Variants in FZD3 observed in about 807,000 individuals in gnomAD.
FZD3 encodes the protein frizzled-3.
FZD3 carries 30 observed loss-of-function variants against 60.7 expected under a neutral mutation model. That is an observed-to-expected ratio of 0.49 (90% CI 0.37 to 0.67). FZD3 has a LOEUF of 0.67. Ranked by LOEUF, FZD3 falls within the 30% of genes least tolerant of loss-of-function variation. The pLI is 0.00. For synonymous variants in FZD3, 246 were observed against 275.2 expected (o/e 0.89, Z 1.05); for missense variants, 605 against 838.7 (o/e 0.72, Z 3.44).
At chr8:28,509,332 A>G (rs1446825877) in intron 3 of FZD3, among the ~76,000 whole-genome samples, 1 of 151,778 alleles carries the variant, frequency 6.6e-6, no homozygotes, top group Non-Finnish European at 1.5e-5. Flanking sequence ...ACACTTATAT[A>G]AAATATTTAT....
At chr8:28,505,314 C>A (rs954759727) in intron 3 of FZD3, 32 of 154,354 alleles carry the variant, frequency 2.1e-4, no homozygotes, top group African/African-American at 7.7e-4. Context: ...TTCAGCAGGC[C>A]CCAGGCTTTA....
chr8:28,498,045 A>G (rs776204160), intron 1 of FZD3, among the ~76,000 whole-genome samples: 1 of 152,256 alleles, frequency 6.6e-6, no homozygotes, highest in Non-Finnish European at 1.5e-5. Context: ...TACATTCATA[A>G]AAATAGAAAT....
chr8:28,529,978 C>G (rs866791402), intron 5 of FZD3, among the ~76,000 whole-genome samples: 5 of 152,016 alleles, frequency 3.3e-5, no homozygotes, highest in African/African-American at 7.2e-5. Context: ...TAAAAAATAC[C>G]AGACCTCAAA....
chr8:28,539,342 A>G (rs536325988), intron 5 of FZD3, among the ~76,000 whole-genome samples: 15 of 152,322 alleles, frequency 9.8e-5, no homozygotes, highest in African/African-American at 3.6e-4. Flanking sequence ...CCACTGATCT[A>G]TAATACTGCC....
intron 5 of FZD3, among the ~76,000 whole-genome samples, chr8:28,535,417 A>T (rs971334312): frequency 5.9e-5 from 9 of 152,200 alleles, no homozygotes; most frequent in Admixed American, 3.9e-4. Context: ...ACTAAAGTTC[A>T]TACTTTATTC....
intron 3 of FZD3, among the ~76,000 whole-genome samples, chr8:28,516,454 G>T (rs1804427864): frequency 6.6e-6 from 1 of 152,162 alleles, no homozygotes; most frequent in East Asian, 1.9e-4. Context: ...TGGGATTTTT[G>T]AAGGGATTAC....
chr8:28,544,206 C>T (rs1225058176), intron 5 of FZD3, among the ~76,000 whole-genome samples: 2 of 152,092 alleles, frequency 1.3e-5, no homozygotes, highest in African/African-American at 4.8e-5. Context: ...CTTTAAGCTT[C>T]TCAACCTGTT....
Position 28,562,828 on chromosome 8 carries a change from G to A in FZD3, c.1818G>A (p.Glu606=). Residue 606 remains glutamate (E), a synonymous_variant, in exon 8 of 8, where the codon GAG becomes GAA. Transcript: ENST00000240093. The stretch of plus-strand genomic sequence containing the variant: ...CGCCCTGCAGTTACAGAGGAATGGA[G>A]GAGAGACTACCTCATGGCAGCATGT... The part of the protein sequence containing the change: ...RYTPCSYRGM[E]ERLPHGSMSR... 6.2e-7 allele frequency: 1 copy of A among 1,612,392 alleles called. No homozygotes were observed. The highest frequency in any genetic ancestry group is 1.1e-5 in the South Asian group (1 of 90,878).
intron 4 of FZD3, among the ~76,000 whole-genome samples, chr8:28,521,145 C>T (rs1446137078): frequency 1.3e-5 from 2 of 151,948 alleles, no homozygotes; most frequent in African/African-American, 2.4e-5. Context: ...AAAAATTATA[C>T]GGAGAAGAAA....
chr8:28,501,280 A>G (rs1803986293), intron 2 of FZD3, among the ~76,000 whole-genome samples: 1 of 152,220 alleles, frequency 6.6e-6, no homozygotes, highest in Non-Finnish European at 1.5e-5. Context: ...GAAATTGGGA[A>G]GATTCAGTCA....
In FZD3 at chr8:28,527,564, C is replaced by G; in HGVS notation, c.804C>G (p.Ile268Met). The change falls in exon 5 of 8, where the codon ATC (isoleucine) becomes ATG (methionine). Residue 268 changes from isoleucine (I) to methionine (M), a missense_variant. Coordinates refer to ENST00000240093, the MANE Select transcript of FZD3 (RefSeq NM_017412.4). This position sits in a 1 kb window ranked among gnomAD's most constrained non-coding sequence, Gnocchi z 5.0. Reference protein sequence around the residue: ...LEDRVACNASIPAQYKASTVT... With the variant: ...LEDRVACNASMPAQYKASTVT... ...ATCGAGTAGCCTGCAATGCATCCAT[C>G]CCTGCACAATATAAGGCTTCCACAG... 6.2e-7 allele frequency: 1 copy of G among 1,613,976 alleles called. No individual in the cohort carries two copies. The highest frequency in any genetic ancestry group is 8.5e-7 in the Non-Finnish European group (1 of 1,179,862).
In FZD3 at chr8:28,563,151, A is replaced by G; in HGVS notation, c.*140A>G. 1 of 638,608 alleles carries G rather than the reference A, an allele frequency of 1.6e-6. No individual in the cohort carries two copies. The highest frequency in any genetic ancestry group is 2.8e-6 in the Non-Finnish European group (1 of 352,686). The allele number at this position is 638,608 out of a possible 1,614,324, so 39.6% of individuals were successfully genotyped here. On this transcript the variant is annotated 3_prime_UTR_variant, in exon 8 of 8. Transcript: ENST00000240093. ...ATTGTGTCCACTGGAAAGGTAAATG[A>G]TTGCTTTTTTATATTGCATCAAACT...
chr8:28,549,516 AATG>A (rs1206399622), intron 5 of FZD3, among the ~76,000 whole-genome samples: 1 of 152,172 alleles, frequency 6.6e-6, no homozygotes, highest in African/African-American at 2.4e-5. Flanking sequence ...ATTTATAAAT[AATG>A]ATCACATTGC....
At chr8:28,551,034 C>A (rs564465795) in intron 5 of FZD3, among the ~76,000 whole-genome samples, 1 of 152,282 alleles carries the variant, frequency 6.6e-6, no homozygotes, top group Admixed American at 6.5e-5. Context: ...GCTGTCCATT[C>A]TTCCCTATTT....
At chr8:28,541,879 C>T (rs185674751) in intron 5 of FZD3, among the ~76,000 whole-genome samples, 1 of 152,286 alleles carries the variant, frequency 6.6e-6, no homozygotes, top group Admixed American at 6.5e-5. Flanking sequence ...CAGATCCAAT[C>T]CTTCAGCTTC....
chr8:28,513,877 C>A (rs937193143), intron 3 of FZD3, among the ~76,000 whole-genome samples: 2 of 152,112 alleles, frequency 1.3e-5, no homozygotes, highest in African/African-American at 4.8e-5. Flanking sequence ...TTGACTGGGT[C>A]CCCTCTGCAC....
Position 28,565,265 on chromosome 8 carries a change from C to T in FZD3, c.*2254C>T, listed in dbSNP as rs1017238315. 6.6e-6 allele frequency: 1 copy of T among 152,142 alleles called. No individual in the cohort carries two copies. The highest frequency in any genetic ancestry group is 1.5e-5 in the Non-Finnish European group (1 of 68,020). 9.4% of individuals were successfully genotyped at this position (152,142 alleles called of 1,614,324 possible). On this transcript the variant is annotated 3_prime_UTR_variant, in exon 8 of 8. Transcript: ENST00000240093. ...ATTTTTCTCTGTGTTCATTGCCTTT[C>T]TCCTTGGAGCTGGAGTTAATGCTCA...
Position 28,503,149 on chromosome 8 carries a change from A to T in FZD3, c.136A>T (p.Met46Leu), listed in dbSNP as rs1246406937. 1 of 1,613,598 alleles carries T rather than the reference A, an allele frequency of 6.2e-7. No individual in the cohort carries two copies. The highest frequency in any genetic ancestry group is 8.5e-7 in the Non-Finnish European group (1 of 1,179,520). Reference sequence around the variant, plus strand: ...AGATTTGCCTTATAATACTACCTTCATGCCTAATCTTCTGAATCATTATGA... The same window carrying T: ...AGATTTGCCTTATAATACTACCTTCTTGCCTAATCTTCTGAATCATTATGA... ...CQDLPYNTTF[M>L]PNLLNHYDQQ... Residue 46 changes from methionine to leucine, a missense_variant, in exon 3 of 8, where the codon ATG becomes TTG. Physicochemically the swap from Met to Leu is conservative, Grantham distance 15. Coordinates refer to ENST00000240093, the MANE Select transcript of FZD3 (RefSeq NM_017412.4).
rs540455942 is a variant in FZD3 at position 28,561,378 on chromosome 8, A to T, written c.1788-1420A>T. 2.6e-3 allele frequency among the ~76,000 whole-genome samples: 391 copies of T among 152,218 alleles called. 8 individuals carry two copies. The highest frequency in any genetic ancestry group is 7.4e-3 in the African/African-American group (308 of 41,540). On this transcript the variant is annotated intron_variant, in intron 7 of 7. Transcript: ENST00000240093. ...GGCCAAAAGACGTGTTTAAAAAAAAATTTTTTTCAAAGGACTTCTCAAGTT... is the reference window on the plus strand; with the variant it reads ...GGCCAAAAGACGTGTTTAAAAAAAATTTTTTTTCAAAGGACTTCTCAAGTT...
Sources: allele counts gnomAD v4.1 joint callset (sites outside exome capture counted in the v4.1 genomes callset), GRCh38; gene constraint gnomAD v4.1.1; non-coding constraint Gnocchi (gnomAD v3.1); transcripts MANE v1.5; gene names NCBI Gene and HGNC (gene_info 2026-07-23, HGNC 2026-07-21).